TRIM60: variants seen among roughly 807,000 people sequenced by gnomAD.
TRIM60 encodes tripartite motif-containing protein 60.
For synonymous variants in TRIM60, 189 were observed against 195.2 expected (o/e 0.97, Z 0.27); for missense variants, 524 against 540.8 (o/e 0.97, Z 0.31).
rs1358494867 is a variant in TRIM60, at chr4:165,039,220, A to G, written c.-37A>G. 7 of 152,018 alleles carry G rather than the reference A, an allele frequency of 4.6e-5. No homozygotes were observed. Among genetic ancestry groups the G allele is most frequent in the African/African-American group, 1.7e-4 (7 of 41,392 alleles). The allele number at this position is 152,018 out of a possible 1,614,324, so 9.4% of individuals were successfully genotyped here. On this transcript the variant is annotated 5_prime_UTR_variant, in exon 2 of 3. Coordinates refer to ENST00000512596, the MANE Select transcript of TRIM60 (RefSeq NM_152620.3). Reference sequence around the variant, plus strand: ...TTGCAGGTCATCAGTTTGCCCCATCATTGGTTAAGGTGGTATTCTCTACAT... The same window carrying G: ...TTGCAGGTCATCAGTTTGCCCCATCGTTGGTTAAGGTGGTATTCTCTACAT...
chr4:165,033,831 C>A (rs1239395578), intron 1 of TRIM60, among the ~76,000 whole-genome samples: 2 of 152,114 alleles, frequency 1.3e-5, no homozygotes, highest in Non-Finnish European at 2.9e-5. Flanking sequence ...TGAAAAATTA[C>A]AAAAAGTGGG....
Position 165,041,297 on chromosome 4 carries a change from G to C in TRIM60, c.1225G>C (p.Val409Leu). Residue 409 changes from valine (V) to leucine (L), a missense_variant, in exon 3 of 3, where the codon GTA becomes CTA. Transcript: ENST00000512596. ...SGPKTTQLLPVVKPSKIGIFL... is the reference protein window; with the variant it reads ...SGPKTTQLLPLVKPSKIGIFL... ...TCCTAAGACAACCCAGCTTCTGCCA[G>C]TAGTAAAACCCAGTAAAATTGGTAT... 1 of 1,614,194 alleles carries C rather than the reference G, an allele frequency of 6.2e-7. No individual in the cohort carries two copies. Among genetic ancestry groups the C allele is most frequent in the Middle Eastern group, 1.6e-4 (1 of 6,062 alleles).
At chr4:165,034,802 G>A (rs570624665) in intron 1 of TRIM60, among the ~76,000 whole-genome samples, 27 of 152,166 alleles carry the variant, frequency 1.8e-4, no homozygotes, top group African/African-American at 5.5e-4. Context: ...TTTTCTGCCC[G>A]ACTACTGCTA....
At chr4:165,035,728 CTT>C (rs60082479) in intron 1 of TRIM60, among the ~76,000 whole-genome samples, 2 of 143,708 alleles carry the variant, frequency 1.4e-5, no homozygotes, top group African/African-American at 2.5e-5. Context: ...TTTTTTCTTT[CTT>C]TTTTTTTTTT....
At position 165,041,426 on chromosome 4, in the gene TRIM60, T is replaced by C; in HGVS notation, c.1354T>C (p.Phe452Leu). 1 of 1,610,616 alleles carries C rather than the reference T, an allele frequency of 6.2e-7. No homozygotes were observed. Among genetic ancestry groups the C allele is most frequent in the Non-Finnish European group, 8.5e-7 (1 of 1,178,106 alleles). ...TTTCACAGAAGCCGTTTGGCCTTAT[T>C]TCTATACTGGAACAGATTCCGAACC... The part of the protein sequence containing the change: ...DCFTEAVWPY[F>L]YTGTDSEPLK... The change falls in exon 3 of 3, where the codon TTC (phenylalanine) becomes CTC (leucine). Residue 452 changes from phenylalanine to leucine, a missense_variant. Coordinates refer to ENST00000512596, the MANE Select transcript of TRIM60 (RefSeq NM_152620.3).
chr4:165,041,466 C>T lies in TRIM60; in HGVS notation c.1394C>T (p.Ser465Leu), dbSNP rs771599222. The change falls in exon 3 of 3, where the codon TCA becomes TTA. Residue 465 changes from serine (S) to leucine (L), a missense_variant. Transcript: ENST00000512596. ...GTDSEPLKICSVSDSER is the reference protein window; with the variant it reads ...GTDSEPLKICLVSDSER ...GATTCCGAACCTCTTAAAATCTGCT[C>T]AGTATCAGATTCTGAAAGATAAGGA... 6.4e-6 allele frequency: 10 copies of T among 1,572,168 alleles called. No homozygotes were observed. In the South Asian group the frequency reaches 9.6e-5, roughly 15 times the overall value.
Position 165,040,959 on chromosome 4 carries a change from A to T in TRIM60, c.887A>T (p.Asp296Val). Residue 296 changes from aspartate to valine, a missense_variant, in exon 3 of 3, where the codon GAT becomes GTT. Coordinates refer to ENST00000512596, the MANE Select transcript of TRIM60 (RefSeq NM_152620.3). Reference protein sequence around the residue: ...LDRIIKPFQVDVILDLNTAHP... With the variant: ...LDRIIKPFQVVVILDLNTAHP... ...AGAATTATCAAGCCATTTCAAGTAG[A>T]TGTGATTCTAGATCTCAACACAGCA... The T allele has an allele frequency of 6.2e-7, 1 of 1,614,012 alleles. No individual in the cohort carries two copies. Among genetic ancestry groups the T allele is most frequent in the Admixed American group, 1.7e-5 (1 of 60,016 alleles).
rs764251483 is a variant in TRIM60, at chr4:165,041,213, G to C, written c.1141G>C (p.Val381Leu). The change falls in exon 3 of 3, where the codon GTT (valine) becomes CTT (leucine). Residue 381 changes from valine to leucine, a missense_variant. Coordinates refer to ENST00000512596, the MANE Select transcript of TRIM60 (RefSeq NM_152620.3). ...TAGGAACTGGCAGGATCAGCCATCAGTTCTGGGCGGATTCTGGGCAATTGG... is the reference window on the plus strand; with the variant it reads ...TAGGAACTGGCAGGATCAGCCATCACTTCTGGGCGGATTCTGGGCAATTGG... Reference protein sequence around the residue: ...LLRNWQDQPSVLGGFWAIGRY... With the variant: ...LLRNWQDQPSLLGGFWAIGRY... 8 of 1,614,226 alleles carry C rather than the reference G, an allele frequency of 5.0e-6. No individual in the cohort carries two copies. The highest frequency in any genetic ancestry group is 1.1e-5 in the South Asian group (1 of 91,084).
intron 1 of TRIM60, among the ~76,000 whole-genome samples, chr4:165,037,658 C>T (rs996100838): frequency 2.0e-5 from 3 of 152,086 alleles, no homozygotes; most frequent in Non-Finnish European, 2.9e-5. Flanking sequence ...TCCCAAAGTG[C>T]TGGGATTACA....
At position 165,040,705 on chromosome 4, in the gene TRIM60, C is replaced by T. The variant is rs770304272; in HGVS notation, c.633C>T (p.Asn211=). Residue 211 remains asparagine, a synonymous_variant, in exon 3 of 3, where the codon AAC becomes AAT. Coordinates refer to ENST00000512596, the MANE Select transcript of TRIM60 (RefSeq NM_152620.3). The part of the protein sequence containing the change: ...ILRQIQDEEM[N]ILAKLNENLV... ...GGCAGATACAAGATGAAGAGATGAA[C>T]ATTTTAGCAAAACTAAATGAAAACC... is the stretch of plus-strand genomic sequence containing the variant. 4.3e-6 allele frequency: 7 copies of T among 1,613,660 alleles called. No homozygotes were observed. Among genetic ancestry groups the T allele is most frequent in the Non-Finnish European group, 5.1e-6 (6 of 1,179,940 alleles).
At position 165,040,338 on chromosome 4, in the gene TRIM60, A is replaced by G. The variant is rs1203996677; in HGVS notation, c.266A>G (p.Lys89Arg). 1 of 1,614,118 alleles carries G rather than the reference A, an allele frequency of 6.2e-7. No individual in the cohort carries two copies. The highest frequency in any genetic ancestry group is 8.5e-7 in the Non-Finnish European group (1 of 1,180,044). The change falls in exon 3 of 3, where the codon AAG becomes AGG. Residue 89 changes from lysine (K) to arginine (R), a missense_variant. Coordinates refer to ENST00000512596, the MANE Select transcript of TRIM60 (RefSeq NM_152620.3). ...CTCCAGATTAGGAGGAGCAAGAGAA[A>G]GAGGCAGAAAGAGAATGCCATGTGT... ...KQLQIRRSKR[K>R]RQKENAMCEK...
chr4:165,041,518 T>A lies in TRIM60; in HGVS notation c.*30T>A, dbSNP rs762146450. On this transcript the variant is annotated 3_prime_UTR_variant, in exon 3 of 3. Coordinates refer to ENST00000512596, the MANE Select transcript of TRIM60 (RefSeq NM_152620.3). ...CTGGTAAATGGGTCTGTTTCAGTTT[T>A]TGTAGGTAACTTAGCCAGTAAATTT... 1 of 1,431,428 alleles carries A rather than the reference T, an allele frequency of 7.0e-7. No individual in the cohort carries two copies. Among genetic ancestry groups the A allele is most frequent in the Non-Finnish European group, 9.4e-7 (1 of 1,065,930 alleles). The allele number at this position is 1,431,428 out of a possible 1,614,324, so 88.7% of individuals were successfully genotyped here.
At chr4:165,035,770 T>A (rs1165708704) in intron 1 of TRIM60, among the ~76,000 whole-genome samples, 1 of 151,952 alleles carries the variant, frequency 6.6e-6, no homozygotes, top group African/African-American at 2.4e-5. Flanking sequence ...TTGCCCAGAC[T>A]GGAGTGCAAT....
chr4:165,041,310 G>T lies in TRIM60; in HGVS notation c.1238G>T (p.Ser413Ile), dbSNP rs145730174. The T allele has an allele frequency of 2.4e-4, 383 of 1,614,174 alleles. 4 individuals are homozygous for T. In the African/African-American group the frequency reaches 4.4e-3, roughly 19 times the overall value. Residue 413 changes from serine (S) to isoleucine (I), a missense_variant, in exon 3 of 3, where the codon AGT becomes ATT. By Grantham distance (142) the Ser-to-Ile change is moderately radical. Coordinates refer to ENST00000512596, the MANE Select transcript of TRIM60 (RefSeq NM_152620.3). ...CAGCTTCTGCCAGTAGTAAAACCCA[G>T]TAAAATTGGTATTTTTCTGGACTAT... The part of the protein sequence containing the change: ...TTQLLPVVKP[S>I]KIGIFLDYEL...
Position 165,040,873 on chromosome 4 carries a change from CT to C in TRIM60, c.805del (p.Ser269HisfsTer4). On this transcript the variant is annotated frameshift_variant, in exon 3 of 3. Transcript: ENST00000512596. LOFTEE classifies it low-confidence loss of function (END_TRUNC). ...ATCAAAACCTAAAATGCCCTGAACT[CT>C]TTTCATTTAGATTAACAAAATATGG... ...KYQNLKCPEL[F>X]SFRLTKYGFS... The C allele has an allele frequency of 3.1e-6, 5 of 1,612,904 alleles. No individual in the cohort carries two copies. The highest frequency in any genetic ancestry group is 4.2e-6 in the Non-Finnish European group (5 of 1,179,432).
At chr4:165,034,616 A>G (rs1733579900) in intron 1 of TRIM60, among the ~76,000 whole-genome samples, 1 of 152,212 alleles carries the variant, frequency 6.6e-6, no homozygotes, top group African/African-American at 2.4e-5. Context: ...GTGTTAAAAC[A>G]AGGATTAGGA....
At chr4:165,035,757 C>T (rs1302635325) in intron 1 of TRIM60, among the ~76,000 whole-genome samples, 2 of 150,830 alleles carry the variant, frequency 1.3e-5, no homozygotes, top group Non-Finnish European at 2.9e-5. Flanking sequence ...AGTTTTGCTC[C>T]TGTTGCCCAG....
rs1448055527 is a variant in TRIM60, at chr4:165,040,377, A to T, written c.305A>T (p.Gln102Leu). The T allele has an allele frequency of 1.2e-6, 2 of 1,614,204 alleles. No individual in the cohort carries two copies. Among genetic ancestry groups the T allele is most frequent in the Non-Finnish European group, 1.7e-6 (2 of 1,180,032 alleles). The change falls in exon 3 of 3, where the codon CAG becomes CTG. Residue 102 changes from glutamine to leucine, a missense_variant. By Grantham distance (113) the Gln-to-Leu change is moderately radical. Transcript: ENST00000512596. ...AATGCCATGTGTGAAAAACACAACC[A>T]GTTTCTGACCCTCTTCTGTGTTAAA... is the stretch of plus-strand genomic sequence containing the variant. ...KENAMCEKHNQFLTLFCVKDL... is the reference protein window; with the variant it reads ...KENAMCEKHNLFLTLFCVKDL...
At chr4:165,036,709 C>T (rs1198772327) in intron 1 of TRIM60, among the ~76,000 whole-genome samples, 3 of 151,922 alleles carry the variant, frequency 2.0e-5, no homozygotes, top group Admixed American at 6.6e-5. Context: ...GGCGAAACCC[C>T]GTCTCTACTA....
Sources: allele counts gnomAD v4.1 joint callset (sites outside exome capture counted in the v4.1 genomes callset), GRCh38; gene constraint gnomAD v4.1.1; transcripts MANE v1.5; gene names NCBI Gene and HGNC (gene_info 2026-07-23, HGNC 2026-07-21).